Variants in DIP2A observed in about 807,000 individuals in gnomAD.
DIP2A encodes the protein DIP2 acetate--CoA ligase A.
A neutral mutation model predicts 177.4 loss-of-function variants in DIP2A; 85 were observed. The observed-to-expected ratio is 0.48, with a 90% CI of 0.40 to 0.57. DIP2A has a LOEUF of 0.57. DIP2A is among the 20% of genes least tolerant of loss of function. DIP2A has a pLI of 0.00. For missense variants in DIP2A, 1,791 were observed against 2,100.2 expected (o/e 0.85, Z 2.88); for synonymous variants, 886 against 881.8 (o/e 1.00, Z -0.08).
In DIP2A at chr21:46,554,176, T is replaced by C; in HGVS notation, c.3038T>C (p.Val1013Ala). Reference sequence around the variant, plus strand: ...CAAAGATCGCTTTCCTAGGGCACCGTCACAAGCACTGCAACCTGTGTCCAG... The same window carrying C: ...CAAAGATCGCTTTCCTAGGGCACCGCCACAAGCACTGCAACCTGTGTCCAG... ...LFLLLNAKGT[V>A]TSTATCVQLH... The change falls in exon 26 of 38, where the codon GTC becomes GCC. Residue 1013 changes from valine to alanine, a missense_variant. Transcript: ENST00000417564. 6.2e-7 allele frequency: 1 copy of C among 1,612,200 alleles called. No homozygotes were observed. Among genetic ancestry groups the C allele is most frequent in the East Asian group, 2.2e-5 (1 of 44,760 alleles).
At position 46,569,497 on chromosome 21, in the gene DIP2A, A is replaced by C. The variant is rs1379203444; in HGVS notation, c.*1875A>C. On this transcript the variant is annotated 3_prime_UTR_variant, in exon 38 of 38. Coordinates refer to ENST00000417564, the MANE Select transcript of DIP2A (RefSeq NM_015151.4). ...GGGAAGGGAAAGAAAAAAAAAAAAA[A>C]ACTACCTAACTCCAATCTTAATGTT... The C allele has an allele frequency of 1.3e-5, 2 of 151,046 alleles. No homozygotes were observed. The highest frequency in any genetic ancestry group is 3.0e-5 in the Non-Finnish European group (2 of 67,696). The allele number at this position is 151,046 out of a possible 1,614,324, so 9.4% of individuals were successfully genotyped here. A position where few individuals can be genotyped will look rare whatever the true frequency, so the allele number is the denominator to read the frequency against.
chr21:46,513,633 T>A (rs957905214), intron 8 of DIP2A, among the ~76,000 whole-genome samples: 1 of 152,206 alleles, frequency 6.6e-6, no homozygotes, highest in African/African-American at 2.4e-5. Flanking sequence ...TGGCATTGCA[T>A]TGAATCTCTA....
At position 46,557,186 on chromosome 21, in the gene DIP2A, G is replaced by T; in HGVS notation, c.3629+117G>T. 8.0e-7 allele frequency: 1 copy of T among 1,256,270 alleles called. No homozygotes were observed. The highest frequency in any genetic ancestry group is 1.1e-6 in the Non-Finnish European group (1 of 933,716). 77.8% of individuals were successfully genotyped at this position (1,256,270 alleles called of 1,614,324 possible). A position where few individuals can be genotyped will look rare whatever the true frequency, so the allele number is the denominator to read the frequency against. ...CAGGAAGCCGATGAGATGTGTGTGA[G>T]TGGGTTTGTTTGGGGATGAAGTGGG... On this transcript the variant is annotated intron_variant, in intron 30 of 37. Transcript: ENST00000417564. The surrounding 1 kb of genome is among the most constrained non-coding windows in gnomAD (Gnocchi z 6.0).
intron 1 of DIP2A, among the ~76,000 whole-genome samples, chr21:46,481,488 T>A (rs907420869): frequency 7.2e-5 from 11 of 152,232 alleles, no homozygotes; most frequent in Non-Finnish European, 1.6e-4. Flanking sequence ...GTGGAATTGC[T>A]GGGTCGTCTG....
rs770021202 is a variant in DIP2A, at chr21:46,551,818, G to A, written c.2950-6G>A. On this transcript the variant is annotated splice_polypyrimidine_tract_variant and splice_region_variant and intron_variant, in intron 24 of 37. Transcript: ENST00000417564. ...GCGCCAGTGAGCAAGTCGCCCTCTC[G>A]TGCAGTTCCTGTTCCTGGCTGACGT... 54 of 1,612,598 alleles carry A rather than the reference G, an allele frequency of 3.3e-5. No individual in the cohort carries two copies. The highest frequency in any genetic ancestry group is 1.6e-4 in the Middle Eastern group (1 of 6,082).
intron 5 of DIP2A, among the ~76,000 whole-genome samples, chr21:46,503,488 C>T (rs970176450): frequency 3.3e-5 from 5 of 151,944 alleles, no homozygotes; most frequent in African/African-American, 1.2e-4. Flanking sequence ...TTGTATGATC[C>T]TGGCTGTTTT....
intron 7 of DIP2A, 98 bp from the exon 8 acceptor site, chr21:46,511,319 G>A: frequency 2.4e-6 from 3 of 1,234,436 alleles, no homozygotes; most frequent in Non-Finnish European, 3.3e-6. Flanking sequence ...TTTATAGTTG[G>A]GATTAAAAAA....
At chr21:46,468,080 A>G (rs2055000933) in intron 1 of DIP2A, among the ~76,000 whole-genome samples, 1 of 151,916 alleles carries the variant, frequency 6.6e-6, no homozygotes, top group African/African-American at 2.4e-5. Flanking sequence ...CCTGGGCAAC[A>G]TGGTGAAACT....
intron 18 of DIP2A, 91 bp downstream of exon 18, chr21:46,541,986 G>C (rs2059839425): frequency 1.3e-6 from 2 of 1,528,158 alleles, no homozygotes; most frequent in South Asian, 2.3e-5. Flanking sequence ...GTCTTGCTTT[G>C]TCACCAGGCT....
At chr21:46,564,420 G>A (rs1698673556) in intron 35 of DIP2A, among the ~76,000 whole-genome samples, 1 of 152,200 alleles carries the variant, frequency 6.6e-6, no homozygotes, top group Admixed American at 6.5e-5. Flanking sequence ...GTCTCCCTGA[G>A]AACACAGAGG....
In DIP2A at chr21:46,551,714, C is replaced by A. The variant is rs768260787; in HGVS notation, c.2920C>A (p.His974Asn). The A allele has an allele frequency of 6.2e-7, 1 of 1,613,978 alleles. No individual in the cohort carries two copies. The highest frequency in any genetic ancestry group is 1.1e-5 in the South Asian group (1 of 91,076). The change falls in exon 24 of 38, where the codon CAC becomes AAC. Residue 974 changes from histidine to asparagine, a missense_variant. By Grantham distance (68) the His-to-Asn change is moderately conservative. Coordinates refer to ENST00000417564, the MANE Select transcript of DIP2A (RefSeq NM_015151.4). ...IAQASGRELA[H>N]LEDSDQARKF... ...TCAGGCTTCCGGGAGAGAGCTCGCC[C>A]ACCTGGAGGACAGCGACCAGGCACG... is the stretch of plus-strand genomic sequence containing the variant.
At chr21:46,575,463 A>G in the DIP2A span, among the ~76,000 whole-genome samples, 1 of 152,226 alleles carries the variant, frequency 6.6e-6, no homozygotes, top group African/African-American at 2.4e-5. Context: ...TAAATTGGAA[A>G]GAAACAATTC....
At chr21:46,534,486 A>C in intron 12 of DIP2A, 99 bp from the exon 13 acceptor site, 1 of 1,179,786 alleles carries the variant, frequency 8.5e-7, no homozygotes, top group Non-Finnish European at 1.2e-6. Flanking sequence ...GAGGAGAGAC[A>C]CTGACCACTT....
At chr21:46,494,006 ATAT>A (rs1308950046) in intron 3 of DIP2A, among the ~76,000 whole-genome samples, 1 of 152,166 alleles carries the variant, frequency 6.6e-6, no homozygotes, top group Non-Finnish European at 1.5e-5. Flanking sequence ...AGATGTCATA[ATAT>A]TCTCGATCTC....
chr21:46,565,710 C>G lies in DIP2A; in HGVS notation c.4165-3C>G, dbSNP rs1204292992. 1.9e-6 allele frequency: 3 copies of G among 1,612,652 alleles called. No homozygotes were observed. The highest frequency in any genetic ancestry group is 1.7e-6 in the Non-Finnish European group (2 of 1,179,240). ...TCACATTCTTGTCCTCTGGGCCCAC[C>G]AGATCTGGGTAAGCAGCCCCCACAA... On this transcript the variant is annotated splice_region_variant and splice_polypyrimidine_tract_variant and intron_variant, in intron 35 of 37. Coordinates refer to ENST00000417564, the MANE Select transcript of DIP2A (RefSeq NM_015151.4).
downstream of DIP2A, among the ~76,000 whole-genome samples, chr21:46,571,824 A>G (rs2060970781): frequency 6.6e-6 from 1 of 152,224 alleles, no homozygotes. Flanking sequence ...TTTTCTAAAT[A>G]TACAATCATG....
the DIP2A span, among the ~76,000 whole-genome samples, chr21:46,581,766 G>T: frequency 6.6e-6 from 1 of 152,190 alleles, no homozygotes; most frequent in Non-Finnish European, 1.5e-5. Context: ...GCACCTGGAA[G>T]TGTCACCAGT....
chr21:46,558,138 A>T, intron 31 of DIP2A, 85 bp from the exon 32 acceptor site: 1 of 1,403,248 alleles, frequency 7.1e-7, no homozygotes, highest in Non-Finnish European at 9.5e-7. Flanking sequence ...CTGTGTGCCC[A>T]CCCGGAGATT....
At chr21:46,519,855 A>ACTT (rs2058742276) in intron 8 of DIP2A, among the ~76,000 whole-genome samples, 3 of 53,018 alleles carry the variant, frequency 5.7e-5, no homozygotes, top group African/African-American at 2.6e-4. Flanking sequence ...ATTGATCTAG[A>ACTT]TTTTTTTTTT....
Sources: allele counts gnomAD v4.1 joint callset (sites outside exome capture counted in the v4.1 genomes callset), GRCh38; gene constraint gnomAD v4.1.1; non-coding constraint Gnocchi (gnomAD v3.1); transcripts MANE v1.5; gene names NCBI Gene and HGNC (gene_info 2026-07-23, HGNC 2026-07-21).